Variants in ATP5ME observed in about 807,000 individuals in gnomAD.
ATP5ME encodes the protein ATP synthase F(0) complex subunit e, mitochondrial.
ATP5ME carries 10 observed loss-of-function variants against 11.6 expected under a neutral mutation model. The observed-to-expected ratio is 0.86, with a 90% CI of 0.53 to 1.46. The LOEUF is 1.46. ATP5ME is among the 40% of genes most tolerant of loss of function. ATP5ME has a pLI of 0.00. For missense variants in ATP5ME, 115 were observed against 85.4 expected (o/e 1.35, Z -1.37); for synonymous variants, 45 against 33.5 (o/e 1.34, Z -1.19).
intron 3 of ATP5ME, 124 bp downstream of exon 3, chr4:673,179 G>A (rs1187553070): frequency 1.4e-6 from 2 of 1,477,582 alleles, no homozygotes; most frequent in African/African-American, 1.4e-5. Context: ...CACCACGCCT[G>A]GCCAGCTTCC....
chr4:673,581 C>G, intron 2 of ATP5ME, 180 bp from the exon 3 acceptor site: 1 of 1,117,676 alleles, frequency 8.9e-7, no homozygotes, highest in Non-Finnish European at 1.3e-6. Context: ...CCAGAGGCTA[C>G]AGGGCCCCTG....
intron 1 of ATP5ME, 60 bp from the exon 2 acceptor site, chr4:674,026 G>A: frequency 6.6e-7 from 1 of 1,508,072 alleles, no homozygotes; most frequent in South Asian, 1.2e-5. Flanking sequence ...GGGGTCGCGG[G>A]AGGAGGGGGG....
intron 1 of ATP5ME, 73 bp from the exon 2 acceptor site, chr4:674,039 G>T (rs927491631): frequency 3.3e-6 from 5 of 1,515,890 alleles, no homozygotes; most frequent in Non-Finnish European, 4.4e-6. Flanking sequence ...GAGGGGGGGC[G>T]GGGTCGCTGG....
rs1203577331 is a variant in ATP5ME at position 673,936 on chromosome 4, C to T, written c.67G>A (p.Val23Met). The T allele has an allele frequency of 6.5e-7, 1 of 1,546,106 alleles. No individual in the cohort carries two copies. The highest frequency in any genetic ancestry group is 8.7e-7 in the Non-Finnish European group (1 of 1,146,852). Residue 23 changes from valine (V) to methionine (M), a missense_variant, in exon 2 of 4, where the codon GTG (valine) becomes ATG (methionine). By Grantham distance (21) the Val-to-Met change is conservative (BLOSUM62 1). Coordinates refer to ENST00000304312, the MANE Select transcript of ATP5ME (RefSeq NM_007100.4). ...LGRYSALFLG[V>M]AYGATRYNYL... is the part of the protein sequence containing the mutation. ...CTGTAGCGCGTGGCTCCGTAGGCCA[C>T]ACCGAGGAACAGGGCGGAGTAGCGG... is the stretch of plus-strand genomic sequence containing the variant.
At chr4:674,029 GA>G (rs1460635193) in intron 1 of ATP5ME, 63 bp from the exon 2 acceptor site, 6 of 1,519,244 alleles carry the variant, frequency 3.9e-6, no homozygotes, top group South Asian at 1.2e-5. Flanking sequence ...GTCGCGGGAG[GA>G]GGGGGGGCGG....
chr4:673,573 A>G, intron 2 of ATP5ME, 172 bp from the exon 3 acceptor site: 1 of 1,187,194 alleles, frequency 8.4e-7, no homozygotes, highest in South Asian at 1.5e-5. Context: ...AGTCCAACCC[A>G]GAGGCTACAG....
chr4:673,946 C>G lies in ATP5ME; in HGVS notation c.57G>C (p.Leu19=), dbSNP rs757192018. ...TGGCTCCGTAGGCCACACCGAGGAA[C>G]AGGGCGGAGTAGCGGCCGAGCTGCG... is the stretch of plus-strand genomic sequence containing the variant. ...PLIKLGRYSA[L]FLGVAYGATR... The change falls in exon 2 of 4, where the codon CTG becomes CTC. Residue 19 remains leucine, a synonymous_variant. Coordinates refer to ENST00000304312, the MANE Select transcript of ATP5ME (RefSeq NM_007100.4). 1.9e-6 allele frequency: 3 copies of G among 1,545,838 alleles called. No individual in the cohort carries two copies. In the Admixed American group the frequency reaches 5.9e-5, roughly 30 times the overall value.
chr4:673,614 G>A lies in ATP5ME; in HGVS notation c.92-213C>T, dbSNP rs1420423556. 9.5e-6 allele frequency: 8 copies of A among 843,128 alleles called. No individual in the cohort carries two copies. The African/African-American group carries it at 1.0e-4, about 11-fold the overall frequency. 52.2% of individuals were successfully genotyped at this position (843,128 alleles called of 1,614,324 possible). A position where few individuals can be genotyped will look rare whatever the true frequency, so the allele number is the denominator to read the frequency against. ...CTGCTGCCCACCCGCTCACGCACTG[G>A]CTCACTCGTCCTCTGCGAACAGGGA... On this transcript the variant is annotated intron_variant, in intron 2 of 3. Transcript: ENST00000304312.
chr4:674,215 G>A lies in ATP5ME; in HGVS notation c.33C>T (p.Ile11=). The A allele has an allele frequency of 6.2e-7, 1 of 1,611,756 alleles. No homozygotes were observed. The highest frequency in any genetic ancestry group is 1.7e-4 in the Middle Eastern group (1 of 6,056). MVPPVQVSPL[I]KLGRYSALFL... The stretch of plus-strand genomic sequence containing the variant: ...GCGGCTGCAAAGCCTGGATCACCTT[G>A]ATGAGCGGAGAGACCTGCACCGGTG... The change falls in exon 1 of 4, where the codon ATC becomes ATT. Residue 11 remains isoleucine (I), a synonymous_variant. Coordinates refer to ENST00000304312, the MANE Select transcript of ATP5ME (RefSeq NM_007100.4).
In ATP5ME at chr4:673,338, T is replaced by C. The variant is rs149611704; in HGVS notation, c.155A>G (p.Asp52Gly). The change falls in exon 3 of 4, where the codon GAT becomes GGT. Residue 52 changes from aspartate to glycine, a missense_variant. Asp to Gly is a moderately conservative substitution (Grantham distance 94). Coordinates refer to ENST00000304312, the MANE Select transcript of ATP5ME (RefSeq NM_007100.4). ...TTCTCTGGCAATCCGTTTCAGTTCATCCTGCTTCTTCTTCTCTTCTGCTGC... is the reference window on the plus strand; with the variant it reads ...TTCTCTGGCAATCCGTTTCAGTTCACCCTGCTTCTTCTTCTCTTCTGCTGC... Reference protein sequence around the residue: ...RIAAEEKKKQDELKRIARELA... With the variant: ...RIAAEEKKKQGELKRIARELA... 9 of 1,614,110 alleles carry C rather than the reference T, an allele frequency of 5.6e-6. No individual in the cohort carries two copies. In the African/African-American group the frequency reaches 1.2e-4, roughly 22 times the overall value.
intron 3 of ATP5ME, 134 bp downstream of exon 3, chr4:673,169 C>T: frequency 7.1e-7 from 1 of 1,406,364 alleles, no homozygotes; most frequent in Non-Finnish European, 9.6e-7. Flanking sequence ...AGGCATGAGC[C>T]ACCACGCCTG....
In ATP5ME at chr4:673,382, T is replaced by C. The variant is rs1738617565; in HGVS notation, c.111A>G (p.Ala37=). The C allele has an allele frequency of 6.2e-7, 1 of 1,614,182 alleles. No homozygotes were observed. The highest frequency in any genetic ancestry group is 8.5e-7 in the Non-Finnish European group (1 of 1,180,018). The change falls in exon 3 of 4, where the codon GCA becomes GCG. Residue 37 remains alanine, a synonymous_variant. Coordinates refer to ENST00000304312, the MANE Select transcript of ATP5ME (RefSeq NM_007100.4). ...ATRYNYLKPR[A]EEERRIAAEE... is the part of the protein sequence containing the mutation. ...CTGCTGCTATCCTCCTCTCCTCTTC[T>C]GCCCGAGGTTTTAGGTAATCTGTTT...
chr4:673,864 C>T (rs1277861958), intron 2 of ATP5ME, 48 bp downstream of exon 2: 1 of 1,542,970 alleles, frequency 6.5e-7, no homozygotes, highest in Admixed American at 2.0e-5. Context: ...AGGAGCTCCA[C>T]AGGAAAGCCG....
intron 3 of ATP5ME, 107 bp from the exon 4 acceptor site, chr4:672,626 C>G: frequency 1.6e-6 from 2 of 1,257,162 alleles, no homozygotes; most frequent in South Asian, 1.4e-5. Flanking sequence ...TGTTTTGAGA[C>G]GGAGTCTCGC....
chr4:672,596 A>G (rs1057226080), intron 3 of ATP5ME, 77 bp from the exon 4 acceptor site: 4 of 1,133,130 alleles, frequency 3.5e-6, no homozygotes, highest in East Asian at 5.5e-5. Flanking sequence ...CTTCCCAGTT[A>G]TTTTTTTTTT....
At chr4:672,609 T>TG (rs1738574195) in intron 3 of ATP5ME, 90 bp from the exon 4 acceptor site, 5 of 1,464,876 alleles carry the variant, frequency 3.4e-6, no homozygotes, top group African/African-American at 1.4e-5. Flanking sequence ...TTTTTTTTTT[T>TG]TTTTTTTGTT....
rs1131704 is a variant in ATP5ME at position 672,519 on chromosome 4, T to C, written c.191A>G (p.Asp64Gly). Residue 64 changes from aspartate to glycine, a missense_variant and splice_region_variant, in exon 4 of 4, where the codon GAT becomes GGT. By Grantham distance (94) the Asp-to-Gly change is moderately conservative (BLOSUM62 -1). Coordinates refer to ENST00000304312, the MANE Select transcript of ATP5ME (RefSeq NM_007100.4). ...GGTCACTCACTTTAATATGCTGTCA[T>C]CTTGGGCCGGAAGGTTAGAAGAAAA... ...LKRIARELAEDDSILK is the reference protein window; with the variant it reads ...LKRIARELAEGDSILK 1.2e-6 allele frequency: 2 copies of C among 1,613,778 alleles called. No homozygotes were observed. Among genetic ancestry groups the C allele is most frequent in the African/African-American group, 2.7e-5 (2 of 74,872 alleles).
In ATP5ME at chr4:672,653, G is replaced by A. The variant is rs557102593; in HGVS notation, c.191-134C>T. 2.1e-5 allele frequency: 20 copies of A among 970,196 alleles called. No homozygotes were observed. The Middle Eastern group carries it at 9.8e-4, about 47-fold the overall frequency. 60.1% of individuals were successfully genotyped at this position (970,196 alleles called of 1,614,324 possible). On this transcript the variant is annotated intron_variant, in intron 3 of 3. Transcript: ENST00000304312. Reference sequence around the variant, plus strand: ...GAGTCTCGCTCTGTCACCCAATGGCGCAATCTCAGCTCACTGCAACCTCTG... The same window carrying A: ...GAGTCTCGCTCTGTCACCCAATGGCACAATCTCAGCTCACTGCAACCTCTG...
chr4:673,711 C>T (rs1303058064), intron 2 of ATP5ME: 8 of 863,868 alleles, frequency 9.3e-6, no homozygotes, highest in Non-Finnish European at 1.4e-5. Flanking sequence ...CAGCCGTTTT[C>T]GAGTCCCCCG....
Sources: gnomAD v4.1 joint callset for allele counts on GRCh38, gnomAD v4.1.1 for gene constraint, MANE v1.5 for transcripts, NCBI Gene and HGNC (gene_info 2026-07-23, HGNC 2026-07-21) for gene names.